Variants in ZNF470 observed in about 807,000 individuals in gnomAD.
ZNF470 encodes chondrogenesis zinc finger protein 1.
ZNF470 carries 13 observed loss-of-function variants against 13.9 expected under a neutral mutation model. The observed-to-expected ratio is 0.94, with a 90% CI of 0.61 to 1.49. ZNF470 has a LOEUF of 1.49. Ranked by LOEUF, ZNF470 falls within the 40% of genes most tolerant of loss-of-function variation. ZNF470 has a pLI of 0.00. For synonymous variants in ZNF470, 293 were observed against 282.9 expected, an observed-to-expected ratio of 1.04 and a Z score of -0.36; for missense variants, 929 against 857.3, an observed-to-expected ratio of 1.08 and a Z score of -1.04.
chr19:56,574,852 GT>G lies in ZNF470; in HGVS notation c.283+124del, dbSNP rs961881305. ...ACTGAAACTTGTTCTTCTAACACCAGTTTTTGAATGGTTATTCTCTTCCCTA... is the reference window on the plus strand; with the variant it reads ...ACTGAAACTTGTTCTTCTAACACCAGTTTTGAATGGTTATTCTCTTCCCTA... On this transcript the variant is annotated intron_variant, in intron 5 of 5. Coordinates refer to ENST00000330619, the MANE Select transcript of ZNF470 (RefSeq NM_001001668.4). 47 of 812,870 alleles carry G rather than the reference GT, an allele frequency of 5.8e-5. 2 individuals carry two copies. The highest frequency in any genetic ancestry group is 7.6e-6 in the Non-Finnish European group (4 of 523,180). The allele number at this position is 812,870 out of a possible 1,614,324, so 50.4% of individuals were successfully genotyped here.
At position 56,577,459 on chromosome 19, in the gene ZNF470, G is replaced by T. The variant is rs377463589; in HGVS notation, c.1030G>T (p.Glu344Ter). Residue 344 changes from glutamate (E) to a stop codon, truncating the protein, a stop_gained, in exon 6 of 6, where the codon GAA becomes TAA. Transcript: ENST00000330619. LOFTEE classifies it low-confidence loss of function (END_TRUNC). ...HTGEKPYECI[E>*]CGKAFSDCSS... ...TGGAGAGAAACCCTATGAATGTATT[G>T]AATGTGGGAAGGCTTTTAGTGATTG... 1.2e-6 allele frequency: 2 copies of T among 1,613,736 alleles called. No individual in the cohort carries two copies. The highest frequency in any genetic ancestry group is 1.7e-6 in the Non-Finnish European group (2 of 1,179,654).
In ZNF470 at chr19:56,567,965, G is replaced by C. The variant is rs1269622076; in HGVS notation, c.-232G>C. 1 of 985,592 alleles carries C rather than the reference G, an allele frequency of 1.0e-6. No homozygotes were observed. Among genetic ancestry groups the C allele is most frequent in the African/African-American group, 1.7e-5 (1 of 57,260 alleles). 61.1% of individuals were successfully genotyped at this position (985,592 alleles called of 1,614,324 possible). A position where few individuals can be genotyped will look rare whatever the true frequency, so the allele number is the denominator to read the frequency against. On this transcript the variant is annotated 5_prime_UTR_variant, in exon 1 of 6. Coordinates refer to ENST00000330619, the MANE Select transcript of ZNF470 (RefSeq NM_001001668.4). Reference sequence around the variant, plus strand: ...CATTTCCTGTCAGCCCTATCTGGAAGGGGCAGAGCCCAGGACAGGGCTCCA... The same window carrying C: ...CATTTCCTGTCAGCCCTATCTGGAACGGGCAGAGCCCAGGACAGGGCTCCA...
intron 3 of ZNF470, among the ~76,000 whole-genome samples, chr19:56,572,856 C>G (rs755065374): frequency 2.0e-5 from 3 of 151,032 alleles, no homozygotes; most frequent in Non-Finnish European, 4.5e-5. Flanking sequence ...TAAGAACATT[C>G]ACTGCCAGAA....
rs577433960 is a variant in ZNF470, at chr19:56,578,388, A to C, written c.1959A>C (p.Glu653Asp). 4 of 1,610,424 alleles carry C rather than the reference A, an allele frequency of 2.5e-6. No individual in the cohort carries two copies. In the East Asian group the frequency reaches 8.9e-5, roughly 36 times the overall value. The change falls in exon 6 of 6, where the codon GAA becomes GAC. Residue 653 changes from glutamate to aspartate, a missense_variant. Glu to Asp is a conservative substitution (Grantham distance 45). Coordinates refer to ENST00000330619, the MANE Select transcript of ZNF470 (RefSeq NM_001001668.4). The stretch of plus-strand genomic sequence containing the variant: ...GAGAGAAACCTTATGAGTGTAAGGA[A>C]TGTAGCAAAGCCTTCAGCCAGGTTG... ...HTGEKPYECKECSKAFSQVAH... is the reference protein window; with the variant it reads ...HTGEKPYECKDCSKAFSQVAH...
In ZNF470 at chr19:56,576,855, A is replaced by G; in HGVS notation, c.426A>G (p.Glu142=). 8.1e-6 allele frequency: 13 copies of G among 1,596,304 alleles called. No individual in the cohort carries two copies. Among genetic ancestry groups the G allele is most frequent in the Non-Finnish European group, 1.1e-5 (13 of 1,174,626 alleles). The change falls in exon 6 of 6, where the codon GAA becomes GAG. Residue 142 remains glutamate, a synonymous_variant. Coordinates refer to ENST00000330619, the MANE Select transcript of ZNF470 (RefSeq NM_001001668.4). ...CATTAGGGAAAAACTGGAAATGTGA[A>G]GACTTGTTTGAGAGGGAGCTTGTAA... ...CSTLGKNWKC[E]DLFERELVNQ...
chr19:56,581,592 A>G lies in ZNF470; in HGVS notation c.*3009A>G, dbSNP rs1214757731. 55 of 812,364 alleles carry G rather than the reference A, an allele frequency of 6.8e-5. No individual in the cohort carries two copies. The highest frequency in any genetic ancestry group is 8.0e-5 in the Non-Finnish European group (54 of 672,332). 50.3% of individuals were successfully genotyped at this position (812,364 alleles called of 1,614,324 possible). The stretch of plus-strand genomic sequence containing the variant: ...TGAAAAAAAATCAATGTGTGTAGTC[A>G]TAGAAAGATAGCTGTGCTATACTAA... On this transcript the variant is annotated 3_prime_UTR_variant, in exon 6 of 6. Coordinates refer to ENST00000330619, the MANE Select transcript of ZNF470 (RefSeq NM_001001668.4).
Position 56,577,950 on chromosome 19 carries a change from A to G in ZNF470, c.1521A>G (p.Lys507=). Reference sequence around the variant, plus strand: ...ATCAGAGAATTCATACTGGAGAGAAACCTTATGAATGTAAGGAATGCAGCA... The same window carrying G: ...ATCAGAGAATTCATACTGGAGAGAAGCCTTATGAATGTAAGGAATGCAGCA... ...AHHQRIHTGE[K]PYECKECSKT... The change falls in exon 6 of 6, where the codon AAA becomes AAG. Residue 507 remains lysine (K), a synonymous_variant. Transcript: ENST00000330619. The G allele has an allele frequency of 1.2e-6, 2 of 1,614,062 alleles. No homozygotes were observed. The highest frequency in any genetic ancestry group is 1.1e-5 in the South Asian group (1 of 91,084).
chr19:56,576,284 G>C (rs1057297865), intron 5 of ZNF470, among the ~76,000 whole-genome samples: 4 of 152,082 alleles, frequency 2.6e-5, no homozygotes, highest in African/African-American at 9.7e-5. Context: ...TATAGGAACT[G>C]CCTCCCCCAA....
At chr19:56,574,255 C>T in intron 3 of ZNF470, 139 bp from the exon 4 acceptor site, 1 of 1,341,156 alleles carries the variant, frequency 7.5e-7, no homozygotes, top group Non-Finnish European at 1.1e-6. Context: ...CTTACCTGAC[C>T]CGGATCATTT....
chr19:56,568,887 G>C lies in ZNF470; in HGVS notation c.-33+4G>C, dbSNP rs1256697769. ...GTTTCCTCAACTACTGCCTCAGGTA[G>C]GTTTCTTAGCCACTTTTGACAATTA... On this transcript the variant is annotated splice_donor_region_variant and intron_variant, in intron 2 of 5. Transcript: ENST00000330619. The C allele has an allele frequency of 6.6e-6, 1 of 152,164 alleles. No individual in the cohort carries two copies. The highest frequency in any genetic ancestry group is 1.5e-5 in the Non-Finnish European group (1 of 68,038). 9.4% of individuals were successfully genotyped at this position (152,164 alleles called of 1,614,324 possible). A position where few individuals can be genotyped will look rare whatever the true frequency, so the allele number is the denominator to read the frequency against.
chr19:56,579,220 G>A lies in ZNF470; in HGVS notation c.*637G>A, dbSNP rs1367284707. The A allele has an allele frequency of 5.8e-6, 5 of 858,088 alleles. No individual in the cohort carries two copies. Among genetic ancestry groups the A allele is most frequent in the Non-Finnish European group, 7.0e-6 (5 of 714,256 alleles). 53.2% of individuals were successfully genotyped at this position (858,088 alleles called of 1,614,324 possible). ...GCAGATTGCTTGAGCTCAGGAGTTCGAGACCAACCTGAGCAACATGGTGAA... is the reference window on the plus strand; with the variant it reads ...GCAGATTGCTTGAGCTCAGGAGTTCAAGACCAACCTGAGCAACATGGTGAA... On this transcript the variant is annotated 3_prime_UTR_variant, in exon 6 of 6. Coordinates refer to ENST00000330619, the MANE Select transcript of ZNF470 (RefSeq NM_001001668.4).
rs190149064 is a variant in ZNF470, at chr19:56,577,104, G to T, written c.675G>T (p.Lys225Asn). The change falls in exon 6 of 6, where the codon AAG (lysine) becomes AAT (asparagine). Residue 225 changes from lysine (K) to asparagine (N), a missense_variant. Coordinates refer to ENST00000330619, the MANE Select transcript of ZNF470 (RefSeq NM_001001668.4). ...AACACAAGCAAGACCGTGGAGAAAA[G>T]AAACTTTTAAAATGTAATGACTGTG... ...VKKHKQDRGE[K>N]KLLKCNDCEK... The T allele has an allele frequency of 4.4e-6, 7 of 1,608,718 alleles. No individual in the cohort carries two copies. In the African/African-American group the frequency reaches 5.4e-5, roughly 12 times the overall value.
At position 56,581,552 on chromosome 19, in the gene ZNF470, G is replaced by A; in HGVS notation, c.*2969G>A. The A allele has an allele frequency of 4.0e-6, 3 of 756,358 alleles. No individual in the cohort carries two copies. Among genetic ancestry groups the A allele is most frequent in the Non-Finnish European group, 4.8e-6 (3 of 621,616 alleles). The allele number at this position is 756,358 out of a possible 1,614,324, so 46.9% of individuals were successfully genotyped here. On this transcript the variant is annotated 3_prime_UTR_variant, in exon 6 of 6. Transcript: ENST00000330619. ...ATTATGGTATATATCCATTCAATAG[G>A]AATTATGCAGCTGTTGAAAAAAAAT...
Position 56,567,532 on chromosome 19 carries a change from T to TCTGGGCGGGGCAGCGGCCGAGG in ZNF470, c.-660_-639dup. The TCTGGGCGGGGCAGCGGCCGAGG allele has an allele frequency of 1.0e-6, 1 of 985,890 alleles. No homozygotes were observed. Among genetic ancestry groups the TCTGGGCGGGGCAGCGGCCGAGG allele is most frequent in the Non-Finnish European group, 1.2e-6 (1 of 830,420 alleles). 61.1% of individuals were successfully genotyped at this position (985,890 alleles called of 1,614,324 possible). ...CGCCGGTTGCTGAGGAGAAGGGAGG[T>TCTGGGCGGGGCAGCGGCCGAGG]CTGGGCGGGGCAGCGGCCGAGGCTG... is the stretch of plus-strand genomic sequence containing the variant. On this transcript the variant is annotated 5_prime_UTR_variant, in exon 1 of 6. Transcript: ENST00000330619.
In ZNF470 at chr19:56,580,117, G is replaced by A. The variant is rs1265317137; in HGVS notation, c.*1534G>A. 45 of 981,422 alleles carry A rather than the reference G, an allele frequency of 4.6e-5. No individual in the cohort carries two copies. The highest frequency in any genetic ancestry group is 5.3e-5 in the Non-Finnish European group (44 of 826,572). The allele number at this position is 981,422 out of a possible 1,614,324, so 60.8% of individuals were successfully genotyped here. A position where few individuals can be genotyped will look rare whatever the true frequency, so the allele number is the denominator to read the frequency against. ...AGAAATGATATAAAAAAGAAGCTAGGGAGTGCTGGATCAGGCACCTTACTA... is the reference window on the plus strand; with the variant it reads ...AGAAATGATATAAAAAAGAAGCTAGAGAGTGCTGGATCAGGCACCTTACTA... On this transcript the variant is annotated 3_prime_UTR_variant, in exon 6 of 6. Coordinates refer to ENST00000330619, the MANE Select transcript of ZNF470 (RefSeq NM_001001668.4).
At position 56,567,524 on chromosome 19, in the gene ZNF470, A is replaced by G. The variant is rs1175733538; in HGVS notation, c.-673A>G. 4 of 986,124 alleles carry G rather than the reference A, an allele frequency of 4.1e-6. No individual in the cohort carries two copies. Among genetic ancestry groups the G allele is most frequent in the Non-Finnish European group, 4.8e-6 (4 of 830,492 alleles). 61.1% of individuals were successfully genotyped at this position (986,124 alleles called of 1,614,324 possible). A position where few individuals can be genotyped will look rare whatever the true frequency, so the allele number is the denominator to read the frequency against. ...GCACGTCCCGCCGGTTGCTGAGGAGAAGGGAGGTCTGGGCGGGGCAGCGGC... is the reference window on the plus strand; with the variant it reads ...GCACGTCCCGCCGGTTGCTGAGGAGGAGGGAGGTCTGGGCGGGGCAGCGGC... On this transcript the variant is annotated 5_prime_UTR_variant, in exon 1 of 6. Coordinates refer to ENST00000330619, the MANE Select transcript of ZNF470 (RefSeq NM_001001668.4).
chr19:56,567,921 G>T lies in ZNF470; in HGVS notation c.-276G>T. On this transcript the variant is annotated 5_prime_UTR_variant, in exon 1 of 6. Transcript: ENST00000330619. ...TAGAGCCCGGGGAAGTTGCCCGGGC[G>T]GGGCAGCCTCGGCTGAAGCATTTCC... The T allele has an allele frequency of 3.0e-6, 3 of 985,676 alleles. No individual in the cohort carries two copies. In the South Asian group the frequency reaches 1.4e-4, roughly 46 times the overall value. The allele number at this position is 985,676 out of a possible 1,614,324, so 61.1% of individuals were successfully genotyped here. A position where few individuals can be genotyped will look rare whatever the true frequency, so the allele number is the denominator to read the frequency against.
rs530531727 is a variant in ZNF470 at position 56,569,153 on chromosome 19, C to G, written c.-33+270C>G. On this transcript the variant is annotated intron_variant, in intron 2 of 5. Coordinates refer to ENST00000330619, the MANE Select transcript of ZNF470 (RefSeq NM_001001668.4). Reference sequence around the variant, plus strand: ...CATTTTTATCATCATTATGATAATCCTTTGAGAAGGCAGTGGAATTTAGAT... The same window carrying G: ...CATTTTTATCATCATTATGATAATCGTTTGAGAAGGCAGTGGAATTTAGAT... 4.6e-5 allele frequency among the ~76,000 whole-genome samples: 7 copies of G among 152,220 alleles called. No homozygotes were observed. The East Asian group carries it at 1.2e-3, about 25-fold the overall frequency.
chr19:56,574,862 G>A, intron 5 of ZNF470, 129 bp downstream of exon 5: 1 of 748,578 alleles, frequency 1.3e-6, no homozygotes, highest in Non-Finnish European at 2.1e-6. Flanking sequence ...GTTTTTGAAT[G>A]GTTATTCTCT....
Sources: gnomAD v4.1 joint callset for allele counts (sites outside exome capture counted in the v4.1 genomes callset) on GRCh38, gnomAD v4.1.1 for gene constraint, MANE v1.5 for transcripts, NCBI Gene and HGNC (gene_info 2026-07-23, HGNC 2026-07-21) for gene names.